Variants in ZNF790 observed in about 807,000 individuals in gnomAD.
ZNF790 encodes zinc finger protein 790.
In ZNF790, 8 loss-of-function variants were observed where a neutral mutation model predicts 12.1. The observed-to-expected ratio is 0.66, with a 90% CI of 0.39 to 1.19. The LOEUF (loss-of-function observed/expected upper bound fraction) is 1.19. Among genes scored for constraint, ZNF790 ranks in the 50% most tolerant of loss-of-function variants. The pLI is 0.01. For missense variants in ZNF790, 707 were observed against 752.2 expected (o/e 0.94, Z 0.70); for synonymous variants, 252 against 244.3 (o/e 1.03, Z -0.29).
intron 3 of ZNF790, 21 bp downstream of exon 3, chr19:36,823,646 A>G (rs774682448): frequency 1.9e-6 from 3 of 1,596,620 alleles, no homozygotes; most frequent in Non-Finnish European, 1.7e-6. Flanking sequence ...AGGAATTTCT[A>G]AGGAAAATGC....
At chr19:36,821,544 C>T (rs545556938) in intron 4 of ZNF790, among the ~76,000 whole-genome samples, 10 of 152,098 alleles carry the variant, frequency 6.6e-5, no homozygotes, top group Non-Finnish European at 1.2e-4. Context: ...CTGGAGAATA[C>T]GGGGAACTAG....
chr19:36,818,496 G>A lies in ZNF790; in HGVS notation c.1848C>T (p.Ser616=). The A allele has an allele frequency of 6.3e-7, 1 of 1,584,808 alleles. No individual in the cohort carries two copies. The highest frequency in any genetic ancestry group is 8.6e-7 in the Non-Finnish European group (1 of 1,161,848). ...CTTTCTCAAAATCTTTAAATTCATA[G>A]GATTTCTCAAAAGTGTAAATATTCT... The part of the protein sequence containing the change: ...QHQNIYTFEK[S]YEFKDFEKAF... The change falls in exon 5 of 5, where the codon TCC becomes TCT. Residue 616 remains serine, a synonymous_variant. Coordinates refer to ENST00000356725, the MANE Select transcript of ZNF790 (RefSeq NM_206894.4).
rs2071610753 is a variant in ZNF790 at position 36,819,207 on chromosome 19, T to G, written c.1137A>C (p.Ser379=). The G allele has an allele frequency of 6.2e-7, 1 of 1,613,988 alleles. No individual in the cohort carries two copies. Among genetic ancestry groups the G allele is most frequent in the Admixed American group, 1.7e-5 (1 of 59,990 alleles). ...KECGKAFIRG[S]NLAQHQNVHV... The stretch of plus-strand genomic sequence containing the variant: ...GAACATTCTGATGTTGAGCAAGATT[T>G]GAACCACGAATAAAGGCTTTTCCAC... Residue 379 remains serine (S), a synonymous_variant, in exon 5 of 5, where the codon TCA becomes TCC. Coordinates refer to ENST00000356725, the MANE Select transcript of ZNF790 (RefSeq NM_206894.4).
At chr19:36,841,727 A>G (rs1269697205), upstream of ZNF790, among the ~76,000 whole-genome samples, 1 of 151,430 alleles carries the variant, frequency 6.6e-6, no homozygotes, top group Non-Finnish European at 1.5e-5. Flanking sequence ...ACTAAAAAAT[A>G]CAAAAATTAG....
chr19:36,822,059 G>A (rs1385113865), intron 4 of ZNF790, among the ~76,000 whole-genome samples: 1 of 152,022 alleles, frequency 6.6e-6, no homozygotes, highest in African/African-American at 2.4e-5. Flanking sequence ...AGAAATGTGT[G>A]GCCATGTTCC....
intron 1 of ZNF790, among the ~76,000 whole-genome samples, chr19:36,847,353 G>C (rs529847288): frequency 6.6e-6 from 1 of 151,232 alleles, no homozygotes; most frequent in African/African-American, 2.4e-5. Flanking sequence ...TTTGTCTTGG[G>C]AAAAAAAACA....
At chr19:36,846,748 T>C (rs1452592348) in intron 1 of ZNF790, among the ~76,000 whole-genome samples, 1 of 152,222 alleles carries the variant, frequency 6.6e-6, no homozygotes, top group Non-Finnish European at 1.5e-5. Context: ...ATTAGTCTAT[T>C]TGGCACTCGT....
intron 1 of ZNF790, among the ~76,000 whole-genome samples, chr19:36,833,449 A>G (rs1376606534): frequency 6.6e-6 from 1 of 152,134 alleles, no homozygotes; most frequent in Admixed American, 6.6e-5. Flanking sequence ...GGCCTGTACA[A>G]TGTCTTTATA....
At chr19:36,830,388 C>T (rs2071923767) in intron 1 of ZNF790, among the ~76,000 whole-genome samples, 2 of 151,908 alleles carry the variant, frequency 1.3e-5, no homozygotes, top group Non-Finnish European at 2.9e-5. Flanking sequence ...GGGATAAATC[C>T]CACTCAGTCA....
At chr19:36,837,077 G>C (rs751286785) in intron 1 of ZNF790, among the ~76,000 whole-genome samples, 1 of 152,062 alleles carries the variant, frequency 6.6e-6, no homozygotes, top group Non-Finnish European at 1.5e-5. Flanking sequence ...AATCCAACCA[G>C]AATAAATGTC....
Position 36,837,407 on chromosome 19 carries a change from C to T in ZNF790, c.-74+930G>A, listed in dbSNP as rs184931610. ...CTTACCAGTGGGTCTGAAAATGGAA[C>T]AGATGGCCGGCCTCCTTGTTGTTCA... On this transcript the variant is annotated intron_variant, in intron 1 of 4. Transcript: ENST00000356725. 1.3e-3 allele frequency among the ~76,000 whole-genome samples: 196 copies of T among 152,264 alleles called. 2 individuals carry two copies. The highest frequency in any genetic ancestry group is 4.5e-3 in the African/African-American group (189 of 41,570).
intron 1 of ZNF790, among the ~76,000 whole-genome samples, chr19:36,837,238 T>C (rs1210878144): frequency 2.6e-5 from 4 of 152,252 alleles, no homozygotes; most frequent in Non-Finnish European, 5.9e-5. Flanking sequence ...GCCTTCATAA[T>C]GGAATTCATA....
At chr19:36,829,784 C>G (rs1245381962) in intron 1 of ZNF790, among the ~76,000 whole-genome samples, 1 of 152,144 alleles carries the variant, frequency 6.6e-6, no homozygotes, top group East Asian at 1.9e-4. Context: ...TCAGGCTAGT[C>G]TCAAATTCCC....
chr19:36,827,964 A>T (rs25420), intron 1 of ZNF790: 2 of 152,194 alleles, frequency 1.3e-5, no homozygotes, highest in East Asian at 3.9e-4. Flanking sequence ...TGAGGAGTTC[A>T]TGAAAATTCC....
In ZNF790 at chr19:36,818,244, T is replaced by C. The variant is rs1306758069; in HGVS notation, c.*189A>G. The C allele has an allele frequency of 2.1e-6, 1 of 466,956 alleles. No individual in the cohort carries two copies. Among genetic ancestry groups the C allele is most frequent in the Non-Finnish European group, 3.6e-6 (1 of 275,932 alleles). 28.9% of individuals were successfully genotyped at this position (466,956 alleles called of 1,614,324 possible). A position where few individuals can be genotyped will look rare whatever the true frequency, so the allele number is the denominator to read the frequency against. On this transcript the variant is annotated 3_prime_UTR_variant, in exon 5 of 5. Coordinates refer to ENST00000356725, the MANE Select transcript of ZNF790 (RefSeq NM_206894.4). ...TATTCTGCAATTGATAACTGATCAG[T>C]AATTTCTTTCCTATATTGATTGCAT... is the stretch of plus-strand genomic sequence containing the variant.
At chr19:36,849,057 T>C (rs1177516752) in intron 1 of ZNF790, among the ~76,000 whole-genome samples, 1 of 152,116 alleles carries the variant, frequency 6.6e-6, no homozygotes, top group Non-Finnish European at 1.5e-5. Context: ...TCTCCCAAAG[T>C]GCTGGGATTA....
rs183141209 is a variant in ZNF790, at chr19:36,825,502, T to C, written c.9+109A>G. ...TGGACTGTTTCACAGTCATTACTTA[T>C]GACACTCAATAGTGATTCAGGTAAG... On this transcript the variant is annotated intron_variant, in intron 2 of 4. Transcript: ENST00000356725. 4.7e-5 allele frequency: 54 copies of C among 1,149,778 alleles called. 1 individual carries two copies. Among genetic ancestry groups the C allele is most frequent in the African/African-American group, 9.1e-5 (6 of 65,792 alleles). The allele number at this position is 1,149,778 out of a possible 1,614,324, so 71.2% of individuals were successfully genotyped here.
chr19:36,823,429 A>G (rs1368848035), intron 3 of ZNF790, 49 bp from the exon 4 acceptor site: 22 of 1,564,924 alleles, frequency 1.4e-5, no homozygotes, highest in Non-Finnish European at 1.8e-5. Context: ...AAAGATTCTA[A>G]AATTTGCAAC....
chr19:36,846,543 G>A (rs962689204), intron 1 of ZNF790, among the ~76,000 whole-genome samples: 4 of 151,670 alleles, frequency 2.6e-5, no homozygotes, highest in Admixed American at 2.0e-4. Flanking sequence ...CAGCCTGGGC[G>A]ACAGAGCGAG....
Sources: allele counts gnomAD v4.1 joint callset (sites outside exome capture counted in the v4.1 genomes callset), GRCh38; gene constraint gnomAD v4.1.1; transcripts MANE v1.5; gene names NCBI Gene and HGNC (gene_info 2026-07-23, HGNC 2026-07-21).